B4GALT7: variants seen among roughly 807,000 people sequenced by gnomAD.
B4GALT7 encodes the protein UDP-Gal:beta-GlcNAc beta-1,4-galactosyltransferase 7.
Under a neutral mutation model 33.0 loss-of-function variants are expected in B4GALT7, and 30 were observed. The ratio of observed to expected loss-of-function variants is 0.91; its 90% CI spans 0.68 to 1.23. The LOEUF (loss-of-function observed/expected upper bound fraction) is 1.23. B4GALT7 is among the 50% of genes most tolerant of loss of function. B4GALT7 has a pLI of 0.00. For missense variants in B4GALT7, 507 were observed against 450.8 expected (o/e 1.12, Z -1.13); for synonymous variants, 213 against 187.2 (o/e 1.14, Z -1.13).
intron 1 of B4GALT7, chr5:177,603,422 G>A (rs1561813662): frequency 3.2e-6 from 3 of 938,046 alleles, no homozygotes; most frequent in Non-Finnish European, 3.8e-6. Flanking sequence ...CATCACCCCA[G>A]TGTCTGTGAT....
At position 177,608,487 on chromosome 5, in the gene B4GALT7, GCCCC is replaced by G. The variant is rs71585644; in HGVS notation, c.640-44_640-41del. ...ACTCCCGAGCGGTAGGAGACCAAAG[GCCCC>G]CCCCCCCGGGAAGATGGGCCGAGTG... On this transcript the variant is annotated intron_variant, in intron 3 of 5. Coordinates refer to ENST00000029410, the MANE Select transcript of B4GALT7 (RefSeq NM_007255.3). This position sits in a 1 kb window ranked among gnomAD's most constrained non-coding sequence, Gnocchi z 4.1. 2 of 1,322,684 alleles carry G rather than the reference GCCCC, an allele frequency of 1.5e-6. No homozygotes were observed. The highest frequency in any genetic ancestry group is 1.2e-5 in the South Asian group (1 of 80,136). 81.9% of individuals were successfully genotyped at this position (1,322,684 alleles called of 1,614,324 possible). A position where few individuals can be genotyped will look rare whatever the true frequency, so the allele number is the denominator to read the frequency against.
rs183352459 is a variant in B4GALT7, at chr5:177,603,975, C to G, written c.51-204C>G. On this transcript the variant is annotated intron_variant, in intron 1 of 5. Transcript: ENST00000029410. The stretch of plus-strand genomic sequence containing the variant: ...CAGAGGGCTTCCCGAGAGCGGGTGG[C>G]ATGGGTTGGGTCTAGAGAGGCAAGC... 12 of 706,430 alleles carry G rather than the reference C, an allele frequency of 1.7e-5. No homozygotes were observed. In the African/African-American group the frequency reaches 1.8e-4, roughly 10 times the overall value. 43.8% of individuals were successfully genotyped at this position (706,430 alleles called of 1,614,324 possible).
chr5:177,600,246 C>G lies in B4GALT7; in HGVS notation c.36C>G (p.Pro12=). 2 of 1,387,006 alleles carry G rather than the reference C, an allele frequency of 1.4e-6. No individual in the cohort carries two copies. The highest frequency in any genetic ancestry group is 3.1e-5 in the East Asian group (1 of 32,620). The allele number at this position is 1,387,006 out of a possible 1,614,324, so 85.9% of individuals were successfully genotyped here. A position where few individuals can be genotyped will look rare whatever the true frequency, so the allele number is the denominator to read the frequency against. The change falls in exon 1 of 6, where the codon CCC becomes CCG. Residue 12 remains proline (P), a synonymous_variant. Coordinates refer to ENST00000029410, the MANE Select transcript of B4GALT7 (RefSeq NM_007255.3). This position sits in a 1 kb window ranked among gnomAD's most constrained non-coding sequence, Gnocchi z 4.4. ...CGCGGAGGAAAGCGGCGCAGCTGCCCTGGGAGGACGGCAGGTGAGCGGCGG... is the reference window on the plus strand; with the variant it reads ...CGCGGAGGAAAGCGGCGCAGCTGCCGTGGGAGGACGGCAGGTGAGCGGCGG... The part of the protein sequence containing the change: ...FPSRRKAAQL[P]WEDGRSGLLS...
In B4GALT7 at chr5:177,607,462, C is replaced by T; in HGVS notation, c.574C>T (p.Pro192Ser). 6.2e-7 allele frequency: 1 copy of T among 1,613,844 alleles called. No individual in the cohort carries two copies. Among genetic ancestry groups the T allele is most frequent in the Non-Finnish European group, 8.5e-7 (1 of 1,180,038 alleles). Residue 192 changes from proline to serine, a missense_variant, in exon 3 of 6, where the codon CCT (proline) becomes TCT (serine). Coordinates refer to ENST00000029410, the MANE Select transcript of B4GALT7 (RefSeq NM_007255.3). ...CCACGTGGCCTCCCCGGAGCTCCAC[C>T]CTCTCTACCACTACAAGACCTATGT... Reference protein sequence around the residue: ...PFHVASPELHPLYHYKTYVGG... With the variant: ...PFHVASPELHSLYHYKTYVGG...
At position 177,608,143 on chromosome 5, in the gene B4GALT7, A is replaced by G. The variant is rs939619614; in HGVS notation, c.640-396A>G. ...TAAATGAAGCCCCTGAGCCAGGTGC[A>G]AGAATGGGTGTCTGTCATGGAACCC... On this transcript the variant is annotated intron_variant, in intron 3 of 5. Coordinates refer to ENST00000029410, the MANE Select transcript of B4GALT7 (RefSeq NM_007255.3). This position sits in a 1 kb window ranked among gnomAD's most constrained non-coding sequence, Gnocchi z 4.1. The G allele has an allele frequency of 4.0e-6, 1 of 253,092 alleles. No individual in the cohort carries two copies. Among genetic ancestry groups the G allele is most frequent in the Non-Finnish European group, 7.8e-6 (1 of 128,546 alleles). 15.7% of individuals were successfully genotyped at this position (253,092 alleles called of 1,614,324 possible).
At chr5:177,607,180 T>C (rs1406378339) in intron 2 of B4GALT7, 122 bp from the exon 3 acceptor site, 1 of 807,026 alleles carries the variant, frequency 1.2e-6, no homozygotes, top group African/African-American at 1.7e-5. Context: ...CCCCACAGGC[T>C]GAGTGAAGTC....
chr5:177,608,978 G>A lies in B4GALT7; in HGVS notation c.792G>A (p.Arg264=), dbSNP rs1246553790. Residue 264 remains arginine (R), a synonymous_variant, in exon 5 of 6, where the codon CGG becomes CGA. Transcript: ENST00000029410. This position sits in a 1 kb window ranked among gnomAD's most constrained non-coding sequence, Gnocchi z 4.1. The part of the protein sequence containing the change: ...TFRHLHDPAW[R]KRDQKRIAAQ... ...GCCACCTGCATGACCCAGCCTGGCG[G>A]AAGAGGGACCAGAAGCGCATCGCAG... 5.6e-6 allele frequency: 9 copies of A among 1,613,074 alleles called. No individual in the cohort carries two copies. Among genetic ancestry groups the A allele is most frequent in the East Asian group, 2.2e-5 (1 of 44,892 alleles).
In B4GALT7 at chr5:177,608,458, G is replaced by T; in HGVS notation, c.640-81G>T. On this transcript the variant is annotated intron_variant, in intron 3 of 5. Coordinates refer to ENST00000029410, the MANE Select transcript of B4GALT7 (RefSeq NM_007255.3). The surrounding 1 kb of genome is among the most constrained non-coding windows in gnomAD (Gnocchi z 4.1). ...CTTATTCAGAGGCGCTGGGGGAGAGGGGCACTCCCGAGCGGTAGGAGACCA... is the reference window on the plus strand; with the variant it reads ...CTTATTCAGAGGCGCTGGGGGAGAGTGGCACTCCCGAGCGGTAGGAGACCA... The T allele has an allele frequency of 7.7e-7, 1 of 1,291,988 alleles. No individual in the cohort carries two copies. The highest frequency in any genetic ancestry group is 1.1e-6 in the Non-Finnish European group (1 of 891,090). 80.0% of individuals were successfully genotyped at this position (1,291,988 alleles called of 1,614,324 possible). A position where few individuals can be genotyped will look rare whatever the true frequency, so the allele number is the denominator to read the frequency against.
Position 177,604,474 on chromosome 5 carries a change from C to G in B4GALT7, c.346C>G (p.Arg116Gly), listed in dbSNP as rs750028904. The G allele has an allele frequency of 3.1e-6, 5 of 1,614,006 alleles. No homozygotes were observed. The highest frequency in any genetic ancestry group is 1.7e-5 in the Admixed American group (1 of 60,020). Residue 116 changes from arginine (R) to glycine (G), a missense_variant, in exon 2 of 6, where the codon CGC (arginine) becomes GGC (glycine). By Grantham distance (125) the Arg-to-Gly change is moderately radical. Transcript: ENST00000029410. ...GCTCCTGGTCTTCGTGCCCCACATGCGCCGCTTCCTGAGCAGGAAGAAGAT... is the reference window on the plus strand; with the variant it reads ...GCTCCTGGTCTTCGTGCCCCACATGGGCCGCTTCCTGAGCAGGAAGAAGAT... ...EELLVFVPHM[R>G]RFLSRKKIRH...
chr5:177,602,286 T>C (rs1326181265), intron 1 of B4GALT7, among the ~76,000 whole-genome samples: 3 of 152,120 alleles, frequency 2.0e-5, no homozygotes, highest in African/African-American at 7.2e-5. Flanking sequence ...GCTTCCAGGT[T>C]GGCGGTCTCT....
chr5:177,608,472 G>T lies in B4GALT7; in HGVS notation c.640-67G>T. On this transcript the variant is annotated intron_variant, in intron 3 of 5. Transcript: ENST00000029410. The surrounding 1 kb of genome is among the most constrained non-coding windows in gnomAD (Gnocchi z 4.1). The stretch of plus-strand genomic sequence containing the variant: ...CTGGGGGAGAGGGGCACTCCCGAGC[G>T]GTAGGAGACCAAAGGCCCCCCCCCC... 1 of 1,442,884 alleles carries T rather than the reference G, an allele frequency of 6.9e-7. No homozygotes were observed. Among genetic ancestry groups the T allele is most frequent in the South Asian group, 1.1e-5 (1 of 87,524 alleles). The allele number at this position is 1,442,884 out of a possible 1,614,324, so 89.4% of individuals were successfully genotyped here.
Position 177,609,550 on chromosome 5 carries a change from A to G in B4GALT7, c.839A>G (p.Lys280Arg). Residue 280 changes from lysine (K) to arginine (R), a missense_variant, in exon 6 of 6, where the codon AAG (lysine) becomes AGG (arginine). Transcript: ENST00000029410. ...TCTCTTCCTCCCCAGGAGCAGTTCA[A>G]GGTGGACAGGGAGGGAGGCCTGAAC... ...RIAAQKQEQFKVDREGGLNTV... is the reference protein window; with the variant it reads ...RIAAQKQEQFRVDREGGLNTV... The G allele has an allele frequency of 2.5e-6, 4 of 1,613,310 alleles. No individual in the cohort carries two copies. The highest frequency in any genetic ancestry group is 2.5e-6 in the Non-Finnish European group (3 of 1,180,008).
chr5:177,604,550 C>T lies in B4GALT7; in HGVS notation c.413+9C>T, dbSNP rs762552961. On this transcript the variant is annotated intron_variant, in intron 2 of 5. Coordinates refer to ENST00000029410, the MANE Select transcript of B4GALT7 (RefSeq NM_007255.3). ...CAGGTGGACCACTTCAGGTAGCGCC[C>T]GCCCCCACCCTCTCCCCTCGGCACC... 10 of 1,613,578 alleles carry T rather than the reference C, an allele frequency of 6.2e-6. No individual in the cohort carries two copies. In the South Asian group the frequency reaches 8.8e-5, roughly 14 times the overall value.
At chr5:177,605,077 C>T (rs911931834) in intron 2 of B4GALT7, 3 of 455,826 alleles carry the variant, frequency 6.6e-6, no homozygotes, top group South Asian at 1.5e-5. Flanking sequence ...TTCTCAGCCC[C>T]ACCAGCCTGA....
At chr5:177,605,946 CCCT>C (rs1029075765) in intron 2 of B4GALT7, 1 of 152,768 alleles carries the variant, frequency 6.5e-6, no homozygotes, top group Non-Finnish European at 1.5e-5. Flanking sequence ...CCATGCTGGG[CCCT>C]CATCCTGTGG....
At position 177,608,359 on chromosome 5, in the gene B4GALT7, C is replaced by T. The variant is rs1056763933; in HGVS notation, c.640-180C>T. 3.3e-5 allele frequency: 20 copies of T among 608,658 alleles called. No individual in the cohort carries two copies. The highest frequency in any genetic ancestry group is 5.5e-5 in the African/African-American group (3 of 54,078). 37.7% of individuals were successfully genotyped at this position (608,658 alleles called of 1,614,324 possible). ...ACACAGGTTCAAGGCCCCGTGAGAA[C>T]GGGAGAGGGCCCGGGACGCGCTGCT... On this transcript the variant is annotated intron_variant, in intron 3 of 5. Coordinates refer to ENST00000029410, the MANE Select transcript of B4GALT7 (RefSeq NM_007255.3). The surrounding 1 kb of genome is among the most constrained non-coding windows in gnomAD (Gnocchi z 4.1).
In B4GALT7 at chr5:177,604,753, G is replaced by A. The variant is rs73337774; in HGVS notation, c.413+212G>A. Among the ~76,000 whole-genome samples the A allele has an allele frequency of 4.0e-3, 606 of 152,290 alleles. 2 individuals are homozygous for A. Among genetic ancestry groups the A allele is most frequent in the African/African-American group, 0.014 (585 of 41,558 alleles). ...GCCGTATGTGGAATGGATTATACCA[G>A]GGCAAGAGGAGAAGCAGGGAGAGCA... is the stretch of plus-strand genomic sequence containing the variant. On this transcript the variant is annotated intron_variant, in intron 2 of 5. Coordinates refer to ENST00000029410, the MANE Select transcript of B4GALT7 (RefSeq NM_007255.3).
Position 177,608,719 on chromosome 5 carries a change from G to T in B4GALT7, c.723+97G>T. 1 of 1,273,790 alleles carries T rather than the reference G, an allele frequency of 7.9e-7. No homozygotes were observed. The highest frequency in any genetic ancestry group is 1.1e-6 in the Non-Finnish European group (1 of 890,812). 78.9% of individuals were successfully genotyped at this position (1,273,790 alleles called of 1,614,324 possible). A position where few individuals can be genotyped will look rare whatever the true frequency, so the allele number is the denominator to read the frequency against. ...ATGAAGCTCCTGGGGTCTGGAGATG[G>T]CCCTGATTCTGATCCCTGCCCTAAC... On this transcript the variant is annotated intron_variant, in intron 4 of 5. Transcript: ENST00000029410. The surrounding 1 kb of genome is among the most constrained non-coding windows in gnomAD (Gnocchi z 4.1).
At chr5:177,604,752 A>C (rs1048182378) in intron 2 of B4GALT7, among the ~76,000 whole-genome samples, 4 of 152,140 alleles carry the variant, frequency 2.6e-5, no homozygotes, top group Non-Finnish European at 5.9e-5. Context: ...GGATTATACC[A>C]GGGCAAGAGG....
Sources: allele counts gnomAD v4.1 joint callset (sites outside exome capture counted in the v4.1 genomes callset), GRCh38; gene constraint gnomAD v4.1.1; non-coding constraint Gnocchi (gnomAD v3.1); transcripts MANE v1.5; gene names NCBI Gene and HGNC (gene_info 2026-07-23, HGNC 2026-07-21).